DSG4: variants seen among roughly 807,000 people sequenced by gnomAD.
DSG4 encodes desmoglein-4.
A neutral mutation model predicts 93.1 loss-of-function variants in DSG4; 87 were observed. That is an observed-to-expected ratio of 0.93 (90% confidence interval 0.79 to 1.12). The LOEUF (loss-of-function observed/expected upper bound fraction) is 1.12. DSG4 is among the 50% of genes most tolerant of loss of function. The probability of loss-of-function intolerance (pLI) is 0.00; values close to 1 mark genes in which losing one functional copy is unlikely to be tolerated. For synonymous variants in DSG4, 432 were observed against 452.9 expected, an observed-to-expected ratio of 0.95 and a Z score of 0.59; for missense variants, 1,373 against 1,285.7, an observed-to-expected ratio of 1.07 and a Z score of -1.04.
At chr18:31,381,030 G>T (rs1200816149) in intron 1 of DSG4, among the ~76,000 whole-genome samples, 1 of 152,078 alleles carries the variant, frequency 6.6e-6, no homozygotes, top group African/African-American at 2.4e-5. Context: ...TTCCTCTCTG[G>T]AATACATACA....
intron 1 of DSG4, among the ~76,000 whole-genome samples, chr18:31,378,270 A>T (rs2072098524): frequency 6.6e-6 from 1 of 152,230 alleles, no homozygotes; most frequent in Non-Finnish European, 1.5e-5. Flanking sequence ...AATAAATGTT[A>T]CTAAAAGAAG....
In DSG4 at chr18:31,388,927, G is replaced by T. The variant is rs758597836; in HGVS notation, c.426G>T (p.Glu142Asp). Residue 142 changes from glutamate (E) to aspartate (D), a missense_variant, in exon 5 of 16, where the codon GAG (glutamate) becomes GAT (aspartate). Physicochemically the swap from Glu to Asp is conservative, Grantham distance 45 (BLOSUM62 2). Coordinates refer to ENST00000308128, the MANE Select transcript of DSG4 (RefSeq NM_177986.5). ...SRGEDLERPLELRVKVMDIND... is the reference protein window; with the variant it reads ...SRGEDLERPLDLRVKVMDIND... Reference sequence around the variant, plus strand: ...GTGAAGATTTAGAAAGGCCTCTTGAGCTTAGAGTCAAAGTTATGGACATAA... The same window carrying T: ...GTGAAGATTTAGAAAGGCCTCTTGATCTTAGAGTCAAAGTTATGGACATAA... The T allele has an allele frequency of 4.3e-6, 7 of 1,613,512 alleles. No homozygotes were observed. The Admixed American group carries it at 8.3e-5, about 19-fold the overall frequency.
intron 15 of DSG4, 77 bp from the exon 16 acceptor site, chr18:31,412,751 C>T: frequency 6.8e-7 from 1 of 1,480,818 alleles, no homozygotes; most frequent in South Asian, 1.2e-5. Flanking sequence ...TCAGAAGTCT[C>T]TCTGAGGGAT....
chr18:31,392,234 C>T lies in DSG4; in HGVS notation c.899C>T (p.Thr300Ile). The change falls in exon 8 of 16, where the codon ACT (threonine) becomes ATT (isoleucine). Residue 300 changes from threonine to isoleucine, a missense_variant. Thr to Ile is a moderately conservative substitution (Grantham distance 89). Coordinates refer to ENST00000308128, the MANE Select transcript of DSG4 (RefSeq NM_177986.5). ...LQAIDLDEEG[T>I]DNWLAQYLIL... The stretch of plus-strand genomic sequence containing the variant: ...GCAATTGATCTTGATGAAGAAGGCA[C>T]TGATAACTGGTTGGCTCAATATTTA... 2 of 1,613,764 alleles carry T rather than the reference C, an allele frequency of 1.2e-6. No homozygotes were observed. The highest frequency in any genetic ancestry group is 1.7e-6 in the Non-Finnish European group (2 of 1,179,860).
Position 31,412,901 on chromosome 18 carries a change from G to C in DSG4, c.2429G>C (p.Gly810Ala). ...TGCTTGCTCATTTATGACCACGAGGGAGTCGGGTCTCCCGTAGGCTCTATT... is the reference window on the plus strand; with the variant it reads ...TGCTTGCTCATTTATGACCACGAGGCAGTCGGGTCTCCCGTAGGCTCTATT... The part of the protein sequence containing the change: ...NDCLLIYDHE[G>A]VGSPVGSIGC... The change falls in exon 16 of 16, where the codon GGA becomes GCA. Residue 810 changes from glycine (G) to alanine (A), a missense_variant. Physicochemically the swap from Gly to Ala is moderately conservative, Grantham distance 60. Coordinates refer to ENST00000308128, the MANE Select transcript of DSG4 (RefSeq NM_177986.5). 6.2e-7 allele frequency: 1 copy of C among 1,614,210 alleles called. No homozygotes were observed. Among genetic ancestry groups the C allele is most frequent in the Non-Finnish European group, 8.5e-7 (1 of 1,180,040 alleles).
chr18:31,386,990 C>T (rs2072195687), intron 3 of DSG4, among the ~76,000 whole-genome samples, 171 bp downstream of exon 3: 1 of 152,076 alleles, frequency 6.6e-6, no homozygotes. Flanking sequence ...GGGAGGCTGA[C>T]GTGGGGCAGG....
Position 31,385,175 on chromosome 18 carries a change from A to G in DSG4, c.84+4A>G. On this transcript the variant is annotated splice_donor_region_variant and intron_variant, in intron 2 of 15. Transcript: ENST00000308128. Reference sequence around the variant, plus strand: ...AAACAGTGAATTTATTGTTGAGGTAATGTAAAATAAAATTATTTTCTCAAT... The same window carrying G: ...AAACAGTGAATTTATTGTTGAGGTAGTGTAAAATAAAATTATTTTCTCAAT... 1.3e-6 allele frequency: 2 copies of G among 1,574,764 alleles called. No individual in the cohort carries two copies. Among genetic ancestry groups the G allele is most frequent in the South Asian group, 2.4e-5 (2 of 84,668 alleles).
intron 3 of DSG4, among the ~76,000 whole-genome samples, chr18:31,387,253 A>G (rs921916975): frequency 2.6e-5 from 4 of 152,188 alleles, no homozygotes; most frequent in African/African-American, 9.6e-5. Flanking sequence ...AGAGAGTCTT[A>G]TAAGACTTTC....
At position 31,413,776 on chromosome 18, in the gene DSG4, G is replaced by T; in HGVS notation, c.*181G>T. On this transcript the variant is annotated 3_prime_UTR_variant, in exon 16 of 16. Coordinates refer to ENST00000308128, the MANE Select transcript of DSG4 (RefSeq NM_177986.5). ...GAATATGGCTAGGCACTTTAGATAAGCCTTTTTAAAATTCTTTCTGATTTT... is the reference window on the plus strand; with the variant it reads ...GAATATGGCTAGGCACTTTAGATAATCCTTTTTAAAATTCTTTCTGATTTT... 1 of 792,322 alleles carries T rather than the reference G, an allele frequency of 1.3e-6. No individual in the cohort carries two copies. The highest frequency in any genetic ancestry group is 1.9e-6 in the Non-Finnish European group (1 of 517,862). 49.1% of individuals were successfully genotyped at this position (792,322 alleles called of 1,614,324 possible). A position where few individuals can be genotyped will look rare whatever the true frequency, so the allele number is the denominator to read the frequency against.
At position 31,413,925 on chromosome 18, in the gene DSG4, C is replaced by T. The variant is rs774921947; in HGVS notation, c.*330C>T. ...GGCCTGTAGAACCAATCTTGTAAACCAAGATGCCTTGTTCTTGGAAGTTAC... is the reference window on the plus strand; with the variant it reads ...GGCCTGTAGAACCAATCTTGTAAACTAAGATGCCTTGTTCTTGGAAGTTAC... On this transcript the variant is annotated 3_prime_UTR_variant, in exon 16 of 16. Transcript: ENST00000308128. 3.5e-4 allele frequency: 65 copies of T among 186,118 alleles called. No homozygotes were observed. The highest frequency in any genetic ancestry group is 4.9e-3 in the Middle Eastern group (2 of 412). The allele number at this position is 186,118 out of a possible 1,614,324, so 11.5% of individuals were successfully genotyped here.
Position 31,413,288 on chromosome 18 carries a change from T to A in DSG4, c.2816T>A (p.Val939Glu), listed in dbSNP as rs769722287. The A allele has an allele frequency of 6.2e-7, 1 of 1,614,030 alleles. No homozygotes were observed. Among genetic ancestry groups the A allele is most frequent in the African/African-American group, 1.3e-5 (1 of 74,914 alleles). The change falls in exon 16 of 16, where the codon GTA becomes GAA. Residue 939 changes from valine to glutamate, a missense_variant. Coordinates refer to ENST00000308128, the MANE Select transcript of DSG4 (RefSeq NM_177986.5). Reference protein sequence around the residue: ...LAPNVVVTEAVMAPVYDIQGN... With the variant: ...LAPNVVVTEAEMAPVYDIQGN... Reference sequence around the variant, plus strand: ...CCCAATGTTGTAGTAACCGAAGCAGTAATGGCACCTGTCTATGATATTCAA... The same window carrying A: ...CCCAATGTTGTAGTAACCGAAGCAGAAATGGCACCTGTCTATGATATTCAA...
rs568244787 is a variant in DSG4, at chr18:31,410,899, C to T, written c.2138-332C>T. ...CGCTGGCCTTGCTTTGGAGGGCTCC[C>T]GGCTGGATCAAGCCCGCAGCAGCCA... On this transcript the variant is annotated intron_variant, in intron 14 of 15. Coordinates refer to ENST00000308128, the MANE Select transcript of DSG4 (RefSeq NM_177986.5). 3.3e-5 allele frequency among the ~76,000 whole-genome samples: 5 copies of T among 152,284 alleles called. No individual in the cohort carries two copies. The South Asian group carries it at 1.0e-3, about 32-fold the overall frequency.
At chr18:31,384,202 T>G (rs1182541442) in intron 1 of DSG4, among the ~76,000 whole-genome samples, 1 of 152,186 alleles carries the variant, frequency 6.6e-6, no homozygotes, top group Non-Finnish European at 1.5e-5. Flanking sequence ...ATCCCTGTGT[T>G]TTCAATGCAT....
At chr18:31,382,775 A>G (rs562124177) in intron 1 of DSG4, among the ~76,000 whole-genome samples, 3 of 152,274 alleles carry the variant, frequency 2.0e-5, no homozygotes, top group Non-Finnish European at 2.9e-5. Context: ...CAAATATACT[A>G]TGGAAGCCTC....
At chr18:31,396,285 G>A (rs2072304099) in intron 8 of DSG4, among the ~76,000 whole-genome samples, 1 of 148,144 alleles carries the variant, frequency 6.8e-6, no homozygotes, top group Admixed American at 6.8e-5. Flanking sequence ...GTTATAAGGT[G>A]TATCCAGAGG....
In DSG4 at chr18:31,391,181, A is replaced by G. The variant is rs1407578473; in HGVS notation, c.788A>G (p.Asn263Ser). The G allele has an allele frequency of 6.2e-7, 1 of 1,613,666 alleles. No homozygotes were observed. Among genetic ancestry groups the G allele is most frequent in the Admixed American group, 1.7e-5 (1 of 59,998 alleles). The stretch of plus-strand genomic sequence containing the variant: ...TGTAGAATCAAGGTTTTAGACGTCA[A>G]CGATAATTTCCCCACCTTAGAGAAA... ...CDCRIKVLDV[N>S]DNFPTLEKTS... The change falls in exon 7 of 16, where the codon AAC (asparagine) becomes AGC (serine). Residue 263 changes from asparagine to serine, a missense_variant. By Grantham distance (46) the Asn-to-Ser change is conservative (BLOSUM62 1). Coordinates refer to ENST00000308128, the MANE Select transcript of DSG4 (RefSeq NM_177986.5).
intron 11 of DSG4, among the ~76,000 whole-genome samples, chr18:31,403,895 A>C (rs777416103): frequency 2.6e-5 from 4 of 152,182 alleles, no homozygotes; most frequent in Non-Finnish European, 2.9e-5. Flanking sequence ...CATCATTTTG[A>C]GTAGGTAAAA....
chr18:31,409,240 G>C (rs1174429943), intron 12 of DSG4, among the ~76,000 whole-genome samples: 1 of 152,132 alleles, frequency 6.6e-6, no homozygotes, highest in African/African-American at 2.4e-5. Flanking sequence ...TTGCCATCTA[G>C]CGCTAAAGTT....
Position 31,376,816 on chromosome 18 carries a change from C to T in DSG4, c.-96C>T, listed in dbSNP as rs894799308. The stretch of plus-strand genomic sequence containing the variant: ...CCCATGCCCTCCTAAAAGGGTGTCT[C>T]AAAGCATATCTTTCTGTAGAGCAGA... On this transcript the variant is annotated 5_prime_UTR_variant, in exon 1 of 16. Coordinates refer to ENST00000308128, the MANE Select transcript of DSG4 (RefSeq NM_177986.5). 3.6e-6 allele frequency: 5 copies of T among 1,401,614 alleles called. No individual in the cohort carries two copies. In the African/African-American group the frequency reaches 4.3e-5, roughly 12 times the overall value. 86.8% of individuals were successfully genotyped at this position (1,401,614 alleles called of 1,614,324 possible). A position where few individuals can be genotyped will look rare whatever the true frequency, so the allele number is the denominator to read the frequency against.
Sources: allele counts gnomAD v4.1 joint callset (sites outside exome capture counted in the v4.1 genomes callset), GRCh38; gene constraint gnomAD v4.1.1; transcripts MANE v1.5; gene names NCBI Gene and HGNC (gene_info 2026-07-23, HGNC 2026-07-21).